Variants in ZBTB7C observed in about 807,000 individuals in gnomAD.
ZBTB7C encodes zinc finger and BTB domain-containing protein 7C.
In ZBTB7C, 8 loss-of-function variants were observed where a neutral mutation model predicts 25.7. The ratio of observed to expected loss-of-function variants is 0.31; its 90% CI spans 0.18 to 0.56. The LOEUF is 0.56. Among genes scored for constraint, ZBTB7C ranks in the 20% least tolerant of loss-of-function variants. ZBTB7C has a pLI of 0.91. For missense variants in ZBTB7C, 824 were observed against 855.2 expected (o/e 0.96, Z 0.46); for synonymous variants, 394 against 369.0 (o/e 1.07, Z -0.78).
chr18:48,119,728 C>T (rs1221947475), intron 3 of ZBTB7C, among the ~76,000 whole-genome samples: 1 of 152,170 alleles, frequency 6.6e-6, no homozygotes, highest in Non-Finnish European at 1.5e-5. Flanking sequence ...TGTTGGTTTG[C>T]TTGGGTCTCC....
chr18:48,349,253 T>C (rs1169311396), intron 1 of ZBTB7C, among the ~76,000 whole-genome samples: 1 of 152,180 alleles, frequency 6.6e-6, no homozygotes, highest in Admixed American at 6.5e-5. Flanking sequence ...TATTTTCCAA[T>C]ATGAAATGGG....
chr18:48,173,835 G>A (rs1043447153), intron 3 of ZBTB7C, among the ~76,000 whole-genome samples: 3 of 152,268 alleles, frequency 2.0e-5, no homozygotes, highest in East Asian at 1.9e-4. Context: ...ACTGTGTCAC[G>A]GGGACTGATC....
At chr18:48,032,422 GTTTTTTTTTTTT>G (rs71165309) in intron 4 of ZBTB7C, among the ~76,000 whole-genome samples, 2 of 65,096 alleles carry the variant, frequency 3.1e-5, no homozygotes, top group South Asian at 6.7e-4. Flanking sequence ...GACAAGGTAG[GTTTTTTTTTTTT>G]TTTTTTTTTT....
chr18:48,362,222 G>A (rs1216630405), intron 1 of ZBTB7C, among the ~76,000 whole-genome samples: 1 of 152,190 alleles, frequency 6.6e-6, no homozygotes, highest in South Asian at 2.1e-4. Context: ...CCTGCAGCTG[G>A]GCATCTGTCA....
At chr18:48,182,578 G>A (rs1339332933) in intron 3 of ZBTB7C, among the ~76,000 whole-genome samples, 3 of 152,190 alleles carry the variant, frequency 2.0e-5, no homozygotes, top group East Asian at 3.9e-4. Flanking sequence ...TGGATCAGCT[G>A]TGTAACTGTG....
At chr18:48,137,277 C>T (rs2040201052) in intron 3 of ZBTB7C, 4 of 985,458 alleles carry the variant, frequency 4.1e-6, no homozygotes, top group South Asian at 4.7e-5. Context: ...TCTCACCACT[C>T]GCGCGTTACG....
chr18:48,197,709 C>T (rs999613331), intron 2 of ZBTB7C, among the ~76,000 whole-genome samples: 97 of 152,270 alleles, frequency 6.4e-4, no homozygotes, highest in African/African-American at 2.1e-3. Flanking sequence ...AGAGAGAATA[C>T]ACTCTCTGGT....
At chr18:48,303,972 A>G (rs369238404) in intron 2 of ZBTB7C, among the ~76,000 whole-genome samples, 9 of 152,244 alleles carry the variant, frequency 5.9e-5, no homozygotes, top group African/African-American at 2.2e-4. Context: ...AACTCATGTA[A>G]TCTTCCAAAG....
chr18:48,402,359 C>T (rs1052831191), intron 1 of ZBTB7C, among the ~76,000 whole-genome samples: 5 of 151,958 alleles, frequency 3.3e-5, no homozygotes, highest in Non-Finnish European at 5.9e-5. Context: ...TACTACACAT[C>T]CATTACAAGT....
intron 3 of ZBTB7C, among the ~76,000 whole-genome samples, chr18:48,167,597 T>TGTGC (rs779870966): frequency 4.5e-4 from 66 of 148,156 alleles, no homozygotes; most frequent in African/African-American, 1.5e-3. Flanking sequence ...TGTGTGTGTG[T>TGTGC]GCGCGCGTGC....
intron 2 of ZBTB7C, among the ~76,000 whole-genome samples, chr18:48,215,557 TAA>T (rs1304107010): frequency 6.6e-6 from 1 of 152,226 alleles, no homozygotes; most frequent in Non-Finnish European, 1.5e-5. Flanking sequence ...TTGAAAGAGT[TAA>T]GTTATTATTT....
intron 2 of ZBTB7C, among the ~76,000 whole-genome samples, chr18:48,202,690 C>A (rs767785071): frequency 6.6e-6 from 1 of 151,978 alleles, no homozygotes; most frequent in Non-Finnish European, 1.5e-5. Context: ...ACCCCACCCC[C>A]GCCGCACGCA....
At chr18:48,114,592 C>T (rs901811588) in intron 3 of ZBTB7C, among the ~76,000 whole-genome samples, 1 of 151,782 alleles carries the variant, frequency 6.6e-6, no homozygotes, top group Non-Finnish European at 1.5e-5. Flanking sequence ...CAGAGAAAAA[C>T]TCTGTCTAAA....
intron 3 of ZBTB7C, among the ~76,000 whole-genome samples, chr18:48,095,781 T>G (rs2038602779): frequency 6.6e-6 from 1 of 151,688 alleles, no homozygotes; most frequent in African/African-American, 2.4e-5. Flanking sequence ...TGAATGACGG[T>G]CTTGTTGAAG....
At position 48,276,000 on chromosome 18, in the gene ZBTB7C, G is replaced by A. The variant is rs369847922; in HGVS notation, c.-79+62174C>T. 4.6e-5 allele frequency among the ~76,000 whole-genome samples: 7 copies of A among 152,288 alleles called. 1 individual carries two copies. In the East Asian group the frequency reaches 1.4e-3, roughly 29 times the overall value. On this transcript the variant is annotated intron_variant, in intron 2 of 4. Coordinates refer to ENST00000590800, the MANE Select transcript of ZBTB7C (RefSeq NM_001318841.2). ...CCTGGAAATGGACTCAAGATACAGA[G>A]GGAGGAGGGGAGAAAGGCTGACGGG...
At chr18:48,243,623 G>C (rs2043593566) in intron 2 of ZBTB7C, among the ~76,000 whole-genome samples, 1 of 152,088 alleles carries the variant, frequency 6.6e-6, no homozygotes, top group African/African-American at 2.4e-5. Context: ...CAAATTCAAT[G>C]AAACTCCCAT....
intron 2 of ZBTB7C, among the ~76,000 whole-genome samples, chr18:48,199,711 A>G (rs2042393301): frequency 7.0e-6 from 1 of 142,308 alleles, no homozygotes; most frequent in Admixed American, 7.6e-5. Context: ...GTCTCCTGTT[A>G]GAGGTTTCCT....
At chr18:48,064,938 G>A (rs530871272) in intron 3 of ZBTB7C, among the ~76,000 whole-genome samples, 5 of 152,096 alleles carry the variant, frequency 3.3e-5, no homozygotes, top group African/African-American at 4.8e-5. Context: ...CCTCCTTCAG[G>A]GTACTCCTAA....
intron 2 of ZBTB7C, among the ~76,000 whole-genome samples, chr18:48,189,280 A>G (rs1251236069): frequency 6.6e-6 from 1 of 152,244 alleles, no homozygotes; most frequent in Admixed American, 6.5e-5. Context: ...TACAGATTTT[A>G]TTAATTTGGA....
Sources: gnomAD v4.1 joint callset for allele counts (sites outside exome capture counted in the v4.1 genomes callset) on GRCh38, gnomAD v4.1.1 for gene constraint, MANE v1.5 for transcripts, NCBI Gene and HGNC (gene_info 2026-07-23, HGNC 2026-07-21) for gene names.